Variants in EIF4G3 observed in about 807,000 individuals in gnomAD.
The protein encoded by EIF4G3 is eIF-4-gamma 3.
EIF4G3 carries 34 observed loss-of-function variants against 186.4 expected under a neutral mutation model. That is an observed-to-expected ratio of 0.18 (90% confidence interval 0.14 to 0.24). EIF4G3 has a LOEUF of 0.24. Ranked by LOEUF, EIF4G3 falls within the 10% of genes least tolerant of loss-of-function variation. The pLI, the probability that EIF4G3 is intolerant of heterozygous loss-of-function variation, is 1.00. For synonymous variants in EIF4G3, 673 were observed against 679.5 expected (o/e 0.99, Z 0.15); for missense variants, 1,536 against 1,948.5 (o/e 0.79, Z 3.99).
At chr1:21,111,196 T>C (rs2096719605) in intron 2 of EIF4G3, 1 of 389,618 alleles carries the variant, frequency 2.6e-6, no homozygotes, top group East Asian at 7.4e-5. Flanking sequence ...AAATGAACAA[T>C]TTCTGTTGCT....
chr1:21,009,917 T>C (rs765359627), intron 4 of EIF4G3, among the ~76,000 whole-genome samples: 19 of 152,052 alleles, frequency 1.2e-4, no homozygotes, highest in Non-Finnish European at 2.4e-4. Flanking sequence ...CCTCCCAAAG[T>C]GCTGGGATTA....
intron 12 of EIF4G3, among the ~76,000 whole-genome samples, chr1:20,960,023 A>ACTGG (rs1330193146): frequency 6.6e-6 from 1 of 152,048 alleles, no homozygotes; most frequent in Non-Finnish European, 1.5e-5. Flanking sequence ...CATTTGATCC[A>ACTGG]GCAACCCCAC....
intron 6 of EIF4G3, chr1:20,999,777 G>A: frequency 2.3e-6 from 1 of 439,964 alleles, no homozygotes; most frequent in Non-Finnish European, 4.5e-6. Context: ...ATGGGTAGCT[G>A]TAAGCAACAG....
At chr1:21,168,276 G>A (rs1178298425) in intron 2 of EIF4G3, among the ~76,000 whole-genome samples, 1 of 151,898 alleles carries the variant, frequency 6.6e-6, no homozygotes, top group Non-Finnish European at 1.5e-5. Flanking sequence ...GTGGTGGAGG[G>A]CACCTGTAAT....
At chr1:21,120,732 T>C (rs17418871) in intron 2 of EIF4G3, among the ~76,000 whole-genome samples, 3,115 of 152,146 alleles carry the variant, frequency 0.02, 62 homozygotes, top group Non-Finnish European at 0.027. Flanking sequence ...TCCCAATTGA[T>C]TGATGGGGTT....
At chr1:20,962,908 G>T (rs12092146) in intron 12 of EIF4G3, among the ~76,000 whole-genome samples, 5,058 of 139,154 alleles carry the variant, frequency 0.036, 283 homozygotes, top group African/African-American at 0.12. Flanking sequence ...TTGTAGTTTT[G>T]TTTTTTTTTT....
intron 15 of EIF4G3, among the ~76,000 whole-genome samples, chr1:20,904,140 T>C (rs2091353661): frequency 6.6e-6 from 1 of 152,188 alleles, no homozygotes; most frequent in Admixed American, 6.5e-5. Context: ...CAGACAACCA[T>C]ATGAAGAAAA....
At chr1:21,166,176 C>T (rs933688225) in intron 2 of EIF4G3, among the ~76,000 whole-genome samples, 3 of 150,446 alleles carry the variant, frequency 2.0e-5, no homozygotes, top group Non-Finnish European at 4.4e-5. Flanking sequence ...CCTGTAATCC[C>T]GGCACTTTGG....
intron 14 of EIF4G3, among the ~76,000 whole-genome samples, chr1:20,921,269 G>GA (rs891472934): frequency 2.0e-5 from 3 of 152,172 alleles, no homozygotes; most frequent in Admixed American, 1.3e-4. Flanking sequence ...TTTTGATGTA[G>GA]AATTTAAAGG....
At chr1:21,049,500 T>G (rs963670052) in intron 4 of EIF4G3, among the ~76,000 whole-genome samples, 2 of 152,178 alleles carry the variant, frequency 1.3e-5, no homozygotes, top group Non-Finnish European at 2.9e-5. Flanking sequence ...GTTTTCAATG[T>G]TTAAAACTCC....
At chr1:20,943,977 TGTGTGTGTGTG>T (rs2095831759) in intron 13 of EIF4G3, among the ~76,000 whole-genome samples, 2 of 34,868 alleles carry the variant, frequency 5.7e-5, no homozygotes, top group South Asian at 8.0e-4. Flanking sequence ...ATTTTTTTTG[TGTGTGTGTGTG>T]TGTGTGTGTG....
intron 7 of EIF4G3, among the ~76,000 whole-genome samples, chr1:20,990,512 G>C (rs1266754691): frequency 6.6e-6 from 1 of 152,008 alleles, no homozygotes; most frequent in Non-Finnish European, 1.5e-5. Context: ...GTCTCTACCA[G>C]AAATACAAAA....
At chr1:20,997,334 G>A (rs993077202) in intron 7 of EIF4G3, among the ~76,000 whole-genome samples, 14 of 149,750 alleles carry the variant, frequency 9.3e-5, no homozygotes, top group African/African-American at 2.4e-4. Flanking sequence ...TTTCAAAATT[G>A]TAAAATTTAA....
chr1:20,919,357 T>G (rs1365483783), intron 14 of EIF4G3, among the ~76,000 whole-genome samples: 2 of 152,088 alleles, frequency 1.3e-5, no homozygotes, highest in African/African-American at 4.8e-5. Flanking sequence ...TACAGGTGCA[T>G]GCCACCACAC....
chr1:21,024,128 G>A (rs1302816285), intron 4 of EIF4G3, among the ~76,000 whole-genome samples: 3 of 151,668 alleles, frequency 2.0e-5, no homozygotes, highest in Admixed American at 6.6e-5. Context: ...GAAGTGAGGA[G>A]CGTCTCCGCC....
intron 2 of EIF4G3, among the ~76,000 whole-genome samples, chr1:21,152,803 A>G (rs997086443): frequency 5.9e-5 from 9 of 152,224 alleles, no homozygotes; most frequent in African/African-American, 1.7e-4. Flanking sequence ...CCAATGCATG[A>G]TATTACAAAA....
At chr1:20,819,814 C>T (rs969460911) in intron 33 of EIF4G3, among the ~76,000 whole-genome samples, 1 of 152,042 alleles carries the variant, frequency 6.6e-6, no homozygotes, top group Non-Finnish European at 1.5e-5. Flanking sequence ...CAAACCTGCA[C>T]ATGTACCCCT....
At chr1:21,095,734 T>G (rs1033022897) in intron 2 of EIF4G3, among the ~76,000 whole-genome samples, 7 of 152,188 alleles carry the variant, frequency 4.6e-5, no homozygotes, top group Non-Finnish European at 8.8e-5. Flanking sequence ...GCCAATTGAT[T>G]TCCTGCTAGT....
At chr1:20,966,949 T>G (rs1404149200) in intron 12 of EIF4G3, among the ~76,000 whole-genome samples, 4 of 152,220 alleles carry the variant, frequency 2.6e-5, no homozygotes, top group Non-Finnish European at 5.9e-5. Context: ...CCTAATAAAC[T>G]TATGCTTTAT....
Sources: gnomAD v4.1 joint callset for allele counts (sites outside exome capture counted in the v4.1 genomes callset) on GRCh38, gnomAD v4.1.1 for gene constraint, MANE v1.5 for transcripts, NCBI Gene and HGNC (gene_info 2026-07-23, HGNC 2026-07-21) for gene names.